DIP2C: variants seen among roughly 807,000 people sequenced by gnomAD.
DIP2C encodes DIP2 acetate--CoA ligase C (putative), also known as disco-interacting protein 2 homolog C.
Under a neutral mutation model 192.4 loss-of-function variants are expected in DIP2C, and 33 were observed. That is an observed-to-expected ratio of 0.17 (90% CI 0.13 to 0.23). The LOEUF (loss-of-function observed/expected upper bound fraction) is 0.23. DIP2C is among the 10% of genes least tolerant of loss of function. The pLI is 1.00. For synonymous variants in DIP2C, 979 were observed against 864.1 expected, an observed-to-expected ratio of 1.13 and a Z score of -2.33; for missense variants, 1,537 against 2,110.1, an observed-to-expected ratio of 0.73 and a Z score of 5.32.
chr10:308,979 A>C (rs941709080), intron 32 of DIP2C, among the ~76,000 whole-genome samples: 1 of 152,196 alleles, frequency 6.6e-6, no homozygotes, highest in Non-Finnish European at 1.5e-5. Context: ...AAATGCCTCC[A>C]GGCATGTCAG....
intron 1 of DIP2C, among the ~76,000 whole-genome samples, chr10:533,710 G>A (rs933766055): frequency 6.6e-6 from 1 of 151,280 alleles, no homozygotes; most frequent in African/African-American, 2.4e-5. Context: ...ATTTCTCATG[G>A]ACAGAGAACA....
At chr10:541,810 AC>A (rs1241516904) in intron 1 of DIP2C, among the ~76,000 whole-genome samples, 2 of 151,760 alleles carry the variant, frequency 1.3e-5, no homozygotes, top group East Asian at 1.9e-4. Flanking sequence ...TCTCTCCTAG[AC>A]CCCACAGCAT....
intron 29 of DIP2C, among the ~76,000 whole-genome samples, chr10:335,023 T>C (rs1163728685): frequency 6.6e-6 from 1 of 152,216 alleles, no homozygotes; most frequent in Non-Finnish European, 1.5e-5. Context: ...TATAAAGCAA[T>C]GTGGGGAGAA....
At chr10:407,242 G>A (rs1005536816) in intron 9 of DIP2C, among the ~76,000 whole-genome samples, 3 of 152,202 alleles carry the variant, frequency 2.0e-5, no homozygotes, top group Non-Finnish European at 4.4e-5. Flanking sequence ...CCTGTTTTGT[G>A]TCTGGCTTAC....
At position 488,665 on chromosome 10, in the gene DIP2C, C is replaced by G. The variant is rs912313252; in HGVS notation, c.86-2135G>C. ...GCCCTTCTCCGAAGGAAACGGGACT[C>G]TACTTCCTGCTTTGCCCTCTCCCAG... On this transcript the variant is annotated intron_variant, in intron 1 of 36. Transcript: ENST00000280886. Among the ~76,000 whole-genome samples the G allele has an allele frequency of 3.3e-5, 5 of 152,230 alleles. No individual in the cohort carries two copies. In the East Asian group the frequency reaches 7.7e-4, roughly 23 times the overall value.
At chr10:281,569 A>G (rs1295914444) in intron 35 of DIP2C, among the ~76,000 whole-genome samples, 1 of 152,158 alleles carries the variant, frequency 6.6e-6, no homozygotes, top group Admixed American at 6.5e-5. Flanking sequence ...GTGCTTTGGG[A>G]GAAGATCTTT....
intron 1 of DIP2C, among the ~76,000 whole-genome samples, chr10:672,220 G>A (rs1830686866): frequency 6.6e-6 from 1 of 151,438 alleles, no homozygotes; most frequent in Non-Finnish European, 1.5e-5. Flanking sequence ...CCGACGCAGG[G>A]ACGGAAGAAA....
At chr10:532,542 T>TGAGAGAGAGA (rs10636550) in intron 1 of DIP2C, among the ~76,000 whole-genome samples, 1,536 of 134,238 alleles carry the variant, frequency 0.011, 121 homozygotes, top group Middle Eastern at 0.024. Context: ...AGAGTATGGG[T>TGAGAGAGAGA]GTGAGAGAGT....
intron 1 of DIP2C, among the ~76,000 whole-genome samples, chr10:559,973 C>G (rs976729114): frequency 2.1e-5 from 3 of 139,816 alleles, no homozygotes; most frequent in East Asian, 2.2e-4. Context: ...CCTCTCCCCC[C>G]CACTCCTGTT....
intron 1 of DIP2C, among the ~76,000 whole-genome samples, chr10:507,084 T>G (rs1845646937): frequency 6.6e-6 from 1 of 150,992 alleles, no homozygotes; most frequent in South Asian, 2.1e-4. Context: ...ACAGACCCGG[T>G]CACCCGCTGT....
intron 1 of DIP2C, among the ~76,000 whole-genome samples, chr10:623,032 G>A (rs1853966086): frequency 6.6e-6 from 1 of 152,194 alleles, no homozygotes; most frequent in Admixed American, 6.5e-5. Flanking sequence ...TCATCACAGA[G>A]GAATGATTCT....
At chr10:480,227 C>CGG (rs1480600035) in intron 2 of DIP2C, among the ~76,000 whole-genome samples, 1 of 149,820 alleles carries the variant, frequency 6.7e-6, no homozygotes, top group Non-Finnish European at 1.5e-5. Context: ...GCCTGAGCTC[C>CGG]GGTCCATGCT....
At chr10:669,994 T>C (rs1206301293) in intron 1 of DIP2C, among the ~76,000 whole-genome samples, 1 of 152,224 alleles carries the variant, frequency 6.6e-6, no homozygotes. Context: ...GCTACCCATT[T>C]TCTGACTGAG....
intron 1 of DIP2C, among the ~76,000 whole-genome samples, chr10:623,327 C>T (rs965907677): frequency 4.0e-5 from 6 of 151,522 alleles, no homozygotes; most frequent in Non-Finnish European, 8.8e-5. Context: ...CGGATGCCTG[C>T]CAAGGGGACG....
At chr10:289,648 CAAG>C (rs1362434823) in intron 32 of DIP2C, among the ~76,000 whole-genome samples, 2 of 152,110 alleles carry the variant, frequency 1.3e-5, no homozygotes, top group Non-Finnish European at 2.9e-5. Flanking sequence ...ACAGATGTAC[CAAG>C]AAGGAGGATG....
intron 2 of DIP2C, among the ~76,000 whole-genome samples, chr10:485,887 T>A (rs1209160928): frequency 6.6e-6 from 1 of 152,248 alleles, no homozygotes; most frequent in African/African-American, 2.4e-5. Flanking sequence ...CCATCTAATA[T>A]GAGATTCTTT....
At chr10:335,861 T>TTGGAAAATTTCC (rs1241760620) in intron 29 of DIP2C, among the ~76,000 whole-genome samples, 1 of 152,240 alleles carries the variant, frequency 6.6e-6, no homozygotes, top group East Asian at 1.9e-4. Context: ...ATCTGAATAG[T>TTGGAAAATTTCC]TGGAAAATTT....
intron 29 of DIP2C, among the ~76,000 whole-genome samples, chr10:339,358 G>C (rs1404030740): frequency 6.6e-6 from 1 of 152,114 alleles, no homozygotes; most frequent in Non-Finnish European, 1.5e-5. Flanking sequence ...AGAATACTGT[G>C]ATCTTGTGAC....
chr10:551,485 G>GA (rs543018438), intron 1 of DIP2C, among the ~76,000 whole-genome samples: 62 of 146,834 alleles, frequency 4.2e-4, no homozygotes, highest in South Asian at 1.5e-3. Context: ...AAAGCAGCTG[G>GA]AAGCAGGATC....
Sources: allele counts gnomAD v4.1 joint callset (sites outside exome capture counted in the v4.1 genomes callset), GRCh38; gene constraint gnomAD v4.1.1; transcripts MANE v1.5; gene names NCBI Gene and HGNC (gene_info 2026-07-23, HGNC 2026-07-21).